Variants in LRP1B observed in about 807,000 individuals in gnomAD.
LRP1B encodes low-density lipoprotein receptor-related protein 1B.
A neutral mutation model predicts 556.6 loss-of-function variants in LRP1B; 217 were observed. The observed-to-expected ratio is 0.39, with a 90% CI of 0.35 to 0.44. The LOEUF (loss-of-function observed/expected upper bound fraction) is 0.44, where lower values mean the gene tolerates loss of function less well. Ranked by LOEUF, LRP1B falls within the 20% of genes least tolerant of loss-of-function variation. The pLI is 1.00. For missense variants in LRP1B, 5,053 were observed against 5,620.8 expected, an observed-to-expected ratio of 0.90 and a Z score of 3.23; for synonymous variants, 2,047 against 1,865.8, an observed-to-expected ratio of 1.10 and a Z score of -2.50.
chr2:142,025,715 A>G (rs1703481395), intron 1 of LRP1B, among the ~76,000 whole-genome samples: 2 of 152,130 alleles, frequency 1.3e-5, no homozygotes, highest in African/African-American at 4.8e-5. Flanking sequence ...TCCTGTATAT[A>G]TTTTAATCCT....
At chr2:141,154,579 T>C (rs1337600490) in intron 7 of LRP1B, among the ~76,000 whole-genome samples, 1 of 151,914 alleles carries the variant, frequency 6.6e-6, no homozygotes, top group Non-Finnish European at 1.5e-5. Flanking sequence ...GGGAGAATAA[T>C]GGCTGTACTG....
intron 32 of LRP1B, among the ~76,000 whole-genome samples, chr2:140,778,195 C>T (rs575536249): frequency 1.3e-5 from 2 of 152,228 alleles, no homozygotes; most frequent in East Asian, 3.9e-4. Flanking sequence ...TATGAGATTG[C>T]TTGAACTGCA....
chr2:141,524,393 C>T (rs1453588407), intron 2 of LRP1B, among the ~76,000 whole-genome samples: 1 of 152,050 alleles, frequency 6.6e-6, no homozygotes, highest in Non-Finnish European at 1.5e-5. Context: ...ATAGAGAGAA[C>T]ATTTAGGAAA....
intron 1 of LRP1B, among the ~76,000 whole-genome samples, chr2:141,819,518 T>A (rs1696685123): frequency 6.6e-6 from 1 of 152,180 alleles, no homozygotes; most frequent in Admixed American, 6.5e-5. Context: ...CATCGCATGT[T>A]CTCATTCATA....
At chr2:141,397,697 G>A (rs944488328) in intron 3 of LRP1B, among the ~76,000 whole-genome samples, 3 of 151,630 alleles carry the variant, frequency 2.0e-5, no homozygotes, top group South Asian at 2.1e-4. Flanking sequence ...ATATTCTCAC[G>A]TGGTAGTGAT....
At chr2:140,455,644 T>C (rs1300608099) in intron 62 of LRP1B, among the ~76,000 whole-genome samples, 4 of 152,150 alleles carry the variant, frequency 2.6e-5, no homozygotes, top group African/African-American at 9.7e-5. Context: ...CTAAATCTAA[T>C]CTGAAAGGCA....
intron 3 of LRP1B, chr2:141,286,714 AATC>A (rs1442680030): frequency 1.2e-4 from 54 of 446,976 alleles, no homozygotes; most frequent in Non-Finnish European, 1.4e-5. Context: ...AGTTTTGCTA[AATC>A]ATATTATTCA....
At chr2:141,154,596 A>G (rs1334873467) in intron 7 of LRP1B, among the ~76,000 whole-genome samples, 2 of 151,858 alleles carry the variant, frequency 1.3e-5, no homozygotes, top group Non-Finnish European at 2.9e-5. Flanking sequence ...ACTGCTTATT[A>G]TATACCTTTA....
At chr2:141,100,232 T>C (rs1700425246) in intron 7 of LRP1B, among the ~76,000 whole-genome samples, 1 of 152,188 alleles carries the variant, frequency 6.6e-6, no homozygotes, top group South Asian at 2.1e-4. Flanking sequence ...AACTCTGCCA[T>C]GGCAAGCACA....
rs559352957 is a variant in LRP1B at position 141,111,630 on chromosome 2, T to C, written c.1014-49357A>G. Among the ~76,000 whole-genome samples, 15 of 152,244 alleles carry C rather than the reference T, an allele frequency of 9.9e-5. No individual in the cohort carries two copies. In the South Asian group the frequency reaches 2.3e-3, roughly 23 times the overall value. On this transcript the variant is annotated intron_variant, in intron 7 of 90. Coordinates refer to ENST00000389484, the MANE Select transcript of LRP1B (RefSeq NM_018557.3). ...GGAGCCACCAGTAATTCACACCTTATACAAATATAAAATCCAGCCCTATCA... is the reference window on the plus strand; with the variant it reads ...GGAGCCACCAGTAATTCACACCTTACACAAATATAAAATCCAGCCCTATCA...
chr2:141,087,649 T>C (rs947720500), intron 7 of LRP1B, among the ~76,000 whole-genome samples: 2 of 152,120 alleles, frequency 1.3e-5, no homozygotes, highest in African/African-American at 4.8e-5. Context: ...GTACTCAAGA[T>C]GAACATGGCT....
In LRP1B at chr2:141,569,344, G is replaced by A. The variant is rs182329342; in HGVS notation, c.206-88811C>T. 7.6e-4 allele frequency among the ~76,000 whole-genome samples: 115 copies of A among 150,958 alleles called. 2 individuals are homozygous for A. The highest frequency in any genetic ancestry group is 2.6e-3 in the African/African-American group (108 of 41,438). ...GCAGGCCCTAGAAATATAAAAAAAAGGGCATTTTCAGAAAAGTGAAAGGCA... is the reference window on the plus strand; with the variant it reads ...GCAGGCCCTAGAAATATAAAAAAAAAGGCATTTTCAGAAAAGTGAAAGGCA... On this transcript the variant is annotated intron_variant, in intron 2 of 90. Transcript: ENST00000389484.
intron 2 of LRP1B, among the ~76,000 whole-genome samples, chr2:141,685,087 T>G (rs1269930154): frequency 6.6e-6 from 1 of 152,106 alleles, no homozygotes; most frequent in East Asian, 1.9e-4. Flanking sequence ...TTGGGACCAA[T>G]AACTCCTTTT....
At chr2:140,548,107 A>T (rs1030055203) in intron 43 of LRP1B, among the ~76,000 whole-genome samples, 8 of 152,180 alleles carry the variant, frequency 5.3e-5, no homozygotes, top group African/African-American at 1.9e-4. Flanking sequence ...GTAAGTACTT[A>T]TACATAGTAT....
At chr2:142,117,929 A>C (rs545476212) in intron 1 of LRP1B, among the ~76,000 whole-genome samples, 9 of 152,232 alleles carry the variant, frequency 5.9e-5, no homozygotes, top group African/African-American at 1.7e-4. Context: ...TAATCCATAA[A>C]GATCAGTCAA....
chr2:140,257,825 A>G (rs1681762194), intron 86 of LRP1B, among the ~76,000 whole-genome samples: 1 of 152,278 alleles, frequency 6.6e-6, no homozygotes, highest in Non-Finnish European at 1.5e-5. Flanking sequence ...ATCCCTGCCG[A>G]AAAGTTGTGG....
intron 35 of LRP1B, among the ~76,000 whole-genome samples, chr2:140,757,847 GC>G (rs1020451403): frequency 6.6e-6 from 1 of 152,148 alleles, no homozygotes; most frequent in Non-Finnish European, 1.5e-5. Flanking sequence ...TGCCACTACA[GC>G]CCAGGGGACA....
intron 1 of LRP1B, among the ~76,000 whole-genome samples, chr2:141,837,065 G>A (rs1047457507): frequency 1.3e-5 from 2 of 151,950 alleles, no homozygotes; most frequent in Non-Finnish European, 2.9e-5. Flanking sequence ...CCAGAAAAAT[G>A]GGATTATAAC....
intron 1 of LRP1B, among the ~76,000 whole-genome samples, chr2:141,867,699 A>C (rs1250515724): frequency 7.9e-5 from 12 of 152,144 alleles, no homozygotes; most frequent in Admixed American, 7.9e-4. Context: ...ATTATTTTTC[A>C]ATAATAGAAA....
Sources: allele counts gnomAD v4.1 joint callset (sites outside exome capture counted in the v4.1 genomes callset), GRCh38; gene constraint gnomAD v4.1.1; transcripts MANE v1.5; gene names NCBI Gene and HGNC (gene_info 2026-07-23, HGNC 2026-07-21).